The following SF3B3 variants were observed in gnomAD, a reference collection of about 807,000 sequenced individuals.
The protein encoded by SF3B3 is splicing factor 3b subunit 3.
A neutral mutation model predicts 139.2 loss-of-function variants in SF3B3; 33 were observed. That is an observed-to-expected ratio of 0.24 (90% confidence interval 0.18 to 0.32). The LOEUF is 0.32. Ranked by LOEUF, SF3B3 falls within the 10% of genes least tolerant of loss-of-function variation. SF3B3 has a pLI of 1.00. For missense variants in SF3B3, 818 were observed against 1,509.4 expected (o/e 0.54, Z 7.59); for synonymous variants, 596 against 563.6 (o/e 1.06, Z -0.81).
At chr16:70,530,641 G>C (rs991652546) in intron 3 of SF3B3, 104 bp from the exon 4 acceptor site, 2 of 974,970 alleles carry the variant, frequency 2.1e-6, no homozygotes, top group African/African-American at 1.6e-5. Flanking sequence ...AGTTACTGCT[G>C]TTAATAATGA....
At chr16:70,535,244 G>C (rs2050155738) in intron 5 of SF3B3, 64 bp from the exon 6 acceptor site, 1 of 765,682 alleles carries the variant, frequency 1.3e-6, no homozygotes, top group Non-Finnish European at 2.2e-6. Context: ...GAGAGGAGGA[G>C]TTGAAAGCTG....
intron 9 of SF3B3, among the ~76,000 whole-genome samples, chr16:70,542,959 G>A (rs976545516): frequency 3.9e-5 from 6 of 152,000 alleles, no homozygotes; most frequent in South Asian, 2.1e-4. Context: ...TTCTGACCTC[G>A]TGATCCGCCT....
chr16:70,557,217 A>G (rs1246024547), intron 15 of SF3B3, among the ~76,000 whole-genome samples, 188 bp downstream of exon 15: 1 of 152,200 alleles, frequency 6.6e-6, no homozygotes. Flanking sequence ...TGAGAAAGAA[A>G]TATTTTGATA....
intron 11 of SF3B3, 112 bp downstream of exon 11, chr16:70,548,554 C>A: frequency 1.1e-6 from 1 of 923,128 alleles, no homozygotes; most frequent in Non-Finnish European, 1.7e-6. Context: ...GCACCATATA[C>A]CAGAAACTTT....
chr16:70,561,513 G>A, intron 16 of SF3B3, 117 bp from the exon 17 acceptor site: 1 of 830,418 alleles, frequency 1.2e-6, no homozygotes. Context: ...TATATTTCTA[G>A]AATATCTTAG....
At chr16:70,550,838 CATCAGATGGT>C (rs2050318072) in intron 11 of SF3B3, among the ~76,000 whole-genome samples, 3 of 152,212 alleles carry the variant, frequency 2.0e-5, no homozygotes, top group Non-Finnish European at 4.4e-5. Flanking sequence ...TCTGCCTGTG[CATCAGATGGT>C]CTGAGGCAGG....
At chr16:70,529,514 T>A in intron 3 of SF3B3, 1 of 314,040 alleles carries the variant, frequency 3.2e-6, no homozygotes. Flanking sequence ...TTCATCAGCC[T>A]GAAGTGATGA....
At position 70,548,155 on chromosome 16, in the gene SF3B3, ACATC is replaced by A. The variant is rs138964467; in HGVS notation, c.1330-213_1330-210del. ...GCCTGCAGCAACTGTACCCTCTCAG[ACATC>A]CTGTAACTTTTGCTTAAGACTGTCA... is the stretch of plus-strand genomic sequence containing the variant. On this transcript the variant is annotated intron_variant, in intron 10 of 25. Transcript: ENST00000302516. Among the ~76,000 whole-genome samples the A allele has an allele frequency of 5.2e-3, 796 of 152,334 alleles. 4 individuals are homozygous for A. The highest frequency in any genetic ancestry group is 0.018 in the African/African-American group (763 of 41,562).
chr16:70,535,435 A>T lies in SF3B3; in HGVS notation c.825+15A>T. 7.2e-7 allele frequency: 1 copy of T among 1,388,334 alleles called. No homozygotes were observed. Among genetic ancestry groups the T allele is most frequent in the South Asian group, 1.2e-5 (1 of 84,208 alleles). The allele number at this position is 1,388,334 out of a possible 1,614,324, so 86.0% of individuals were successfully genotyped here. A position where few individuals can be genotyped will look rare whatever the true frequency, so the allele number is the denominator to read the frequency against. On this transcript the variant is annotated intron_variant, in intron 6 of 25. Transcript: ENST00000302516. ...CCAGGAGGCGGGTAAGATCTTTGAT[A>T]TAAGAAGAGAGAGATTTGTGTTTAA...
chr16:70,555,756 G>A (rs950272426), intron 13 of SF3B3, among the ~76,000 whole-genome samples: 4 of 152,124 alleles, frequency 2.6e-5, no homozygotes, highest in Non-Finnish European at 4.4e-5. Flanking sequence ...CTCTCAGGAG[G>A]TCTCTAGTGT....
Position 70,556,940 on chromosome 16 carries a change from T to G in SF3B3, c.1921T>G (p.Cys641Gly). Residue 641 changes from cysteine (C) to glycine (G), a missense_variant, in exon 15 of 26, where the codon TGT (cysteine) becomes GGT (glycine). Physicochemically the swap from Cys to Gly is radical, Grantham distance 159 (BLOSUM62 -3). Coordinates refer to ENST00000302516, the MANE Select transcript of SF3B3 (RefSeq NM_012426.5). ...QALPAQPESL[C>G]IVEMGGTEKQ... ...TCTCCCAGCCCAGCCTGAGTCCTTG[T>G]GTATCGTGGAAATGGGTGGGACTGA... 6.2e-7 allele frequency: 1 copy of G among 1,614,150 alleles called. No homozygotes were observed. Among genetic ancestry groups the G allele is most frequent in the Non-Finnish European group, 8.5e-7 (1 of 1,180,022 alleles).
At chr16:70,564,994 T>C in intron 18 of SF3B3, 71 bp from the exon 19 acceptor site, 1 of 1,439,972 alleles carries the variant, frequency 6.9e-7, no homozygotes, top group African/African-American at 1.4e-5. Flanking sequence ...GTGTTCTTGC[T>C]ACCTATCCTC....
chr16:70,530,095 C>T (rs990207737), intron 3 of SF3B3, among the ~76,000 whole-genome samples: 1 of 150,890 alleles, frequency 6.6e-6, no homozygotes, highest in Non-Finnish European at 1.5e-5. Context: ...TACTGCACTC[C>T]AGCCCGGACG....
At chr16:70,530,212 C>T (rs2050108021) in intron 3 of SF3B3, among the ~76,000 whole-genome samples, 1 of 151,578 alleles carries the variant, frequency 6.6e-6, no homozygotes, top group South Asian at 2.1e-4. Context: ...CCAGGATGGT[C>T]TTGAATTCCT....
chr16:70,571,954 C>G lies in SF3B3; in HGVS notation c.*141C>G. ...ATTATGAAAGTCAACAGCTCTTTCCCCTCAGCTCTTCTCCTGGAATGACTG... is the reference window on the plus strand; with the variant it reads ...ATTATGAAAGTCAACAGCTCTTTCCGCTCAGCTCTTCTCCTGGAATGACTG... On this transcript the variant is annotated 3_prime_UTR_variant, in exon 26 of 26. Coordinates refer to ENST00000302516, the MANE Select transcript of SF3B3 (RefSeq NM_012426.5). 9.9e-7 allele frequency: 1 copy of G among 1,008,766 alleles called. No individual in the cohort carries two copies. The highest frequency in any genetic ancestry group is 1.6e-5 in the African/African-American group (1 of 62,092). 62.5% of individuals were successfully genotyped at this position (1,008,766 alleles called of 1,614,324 possible). A position where few individuals can be genotyped will look rare whatever the true frequency, so the allele number is the denominator to read the frequency against.
At chr16:70,559,896 C>T (rs2050413104) in intron 15 of SF3B3, among the ~76,000 whole-genome samples, 1 of 147,080 alleles carries the variant, frequency 6.8e-6, no homozygotes, top group African/African-American at 2.5e-5. Context: ...GCCACCTCAC[C>T]TGGCTTCTTT....
At chr16:70,537,558 T>G (rs1406210349) in intron 6 of SF3B3, among the ~76,000 whole-genome samples, 1 of 152,194 alleles carries the variant, frequency 6.6e-6, no homozygotes, top group Non-Finnish European at 1.5e-5. Flanking sequence ...AGGATTTAAT[T>G]TAATGTAATA....
intron 15 of SF3B3, among the ~76,000 whole-genome samples, chr16:70,558,699 C>T (rs997117471): frequency 3.9e-5 from 6 of 152,124 alleles, no homozygotes; most frequent in Admixed American, 1.3e-4. Flanking sequence ...TGGGTTCAAG[C>T]GATTCTCATG....
Position 70,568,514 on chromosome 16 carries a change from C to T in SF3B3, c.3165+19C>T. ...ATGTGTGGTGAGTTGATGTTGTTAA[C>T]TTGGGTTACAGTGATGTGTAGGAAA... On this transcript the variant is annotated intron_variant, in intron 22 of 25. Coordinates refer to ENST00000302516, the MANE Select transcript of SF3B3 (RefSeq NM_012426.5). The T allele has an allele frequency of 6.3e-7, 1 of 1,599,412 alleles. No individual in the cohort carries two copies. Among genetic ancestry groups the T allele is most frequent in the Non-Finnish European group, 8.6e-7 (1 of 1,168,366 alleles).
Sources: gnomAD v4.1 joint callset for allele counts (sites outside exome capture counted in the v4.1 genomes callset) on GRCh38, gnomAD v4.1.1 for gene constraint, MANE v1.5 for transcripts, NCBI Gene and HGNC (gene_info 2026-07-23, HGNC 2026-07-21) for gene names.